TBCD: variants seen among roughly 807,000 people sequenced by gnomAD.
TBCD encodes the protein tubulin folding cofactor D, also known as tubulin-specific chaperone D.
A neutral mutation model predicts 169.3 loss-of-function variants in TBCD; 105 were observed. The observed-to-expected ratio is 0.62, with a 90% CI of 0.53 to 0.73. The LOEUF (loss-of-function observed/expected upper bound fraction) is 0.73. TBCD is among the 30% of genes least tolerant of loss of function. TBCD has a pLI of 0.00. For synonymous variants in TBCD, 700 were observed against 643.9 expected, an observed-to-expected ratio of 1.09 and a Z score of -1.32; for missense variants, 1,444 against 1,600.1, an observed-to-expected ratio of 0.90 and a Z score of 1.66.
chr17:82,799,456 A>AG, intron 8 of TBCD, among the ~76,000 whole-genome samples: 2 of 151,582 alleles, frequency 1.3e-5, no homozygotes, highest in Admixed American at 1.3e-4. Context: ...AAAAAAAAAA[A>AG]AAAAAAAGAA....
Position 82,903,019 on chromosome 17 carries a change from G to A in TBCD, c.1731-386G>A, listed in dbSNP as rs912836130. ...TTATTGGATATGTGCCCCAGATTTG[G>A]TGGGTGAGCCTCAGGAAATTCCTTC... On this transcript the variant is annotated intron_variant, in intron 18 of 38. Coordinates refer to ENST00000355528, the MANE Select transcript of TBCD (RefSeq NM_005993.5). The surrounding 1 kb of genome is among the most constrained non-coding windows in gnomAD (Gnocchi z 4.8). Among the ~76,000 whole-genome samples the A allele has an allele frequency of 6.6e-4, 100 of 152,314 alleles. No individual in the cohort carries two copies. Among genetic ancestry groups the A allele is most frequent in the African/African-American group, 2.3e-3 (97 of 41,576 alleles).
Position 82,937,269 on chromosome 17 carries a change from A to G in TBCD, c.3192-2A>G, listed in dbSNP as rs2062709885. ...TCTCTAAAGTGTGTGTTGTTCTTCC[A>G]GCCACCCCTTTGCTGTGAAGTTGCT... On this transcript the variant is annotated splice_acceptor_variant, in intron 34 of 38. Coordinates refer to ENST00000355528, the MANE Select transcript of TBCD (RefSeq NM_005993.5). LOFTEE classifies it high-confidence loss of function. The G allele has an allele frequency of 6.2e-7, 1 of 1,613,858 alleles. No homozygotes were observed. The highest frequency in any genetic ancestry group is 1.6e-4 in the Middle Eastern group (1 of 6,084).
In TBCD at chr17:82,833,414, C is replaced by T. The variant is rs1032510492; in HGVS notation, c.1318+18480C>T. ...TGTTTAAAAATGAAGAACATTCGAACACAAGACTCTACCCTACTGCTTCTA... is the reference window on the plus strand; with the variant it reads ...TGTTTAAAAATGAAGAACATTCGAATACAAGACTCTACCCTACTGCTTCTA... On this transcript the variant is annotated intron_variant, in intron 13 of 38. Coordinates refer to ENST00000355528, the MANE Select transcript of TBCD (RefSeq NM_005993.5). This position sits in a 1 kb window ranked among gnomAD's most constrained non-coding sequence, Gnocchi z 4.7. Among the ~76,000 whole-genome samples the T allele has an allele frequency of 2.0e-5, 3 of 152,184 alleles. No homozygotes were observed. Among genetic ancestry groups the T allele is most frequent in the African/African-American group, 7.2e-5 (3 of 41,436 alleles).
intron 13 of TBCD, among the ~76,000 whole-genome samples, chr17:82,868,840 A>T (rs532460713): frequency 6.6e-6 from 1 of 152,198 alleles, no homozygotes; most frequent in Non-Finnish European, 1.5e-5. Context: ...CTTTTCTCAG[A>T]CTGTGTGTAG....
chr17:82,923,499 G>A lies in TBCD; in HGVS notation c.2179-153G>A, dbSNP rs571198022. Reference sequence around the variant, plus strand: ...CTCCAACCTCAGGGCGACCCGCTGGGTCCCTGGTCAGGCAGGGGCTGCTCT... The same window carrying A: ...CTCCAACCTCAGGGCGACCCGCTGGATCCCTGGTCAGGCAGGGGCTGCTCT... On this transcript the variant is annotated intron_variant, in intron 25 of 38. Coordinates refer to ENST00000355528, the MANE Select transcript of TBCD (RefSeq NM_005993.5). This position sits in a 1 kb window ranked among gnomAD's most constrained non-coding sequence, Gnocchi z 4.6. 6.6e-6 allele frequency among the ~76,000 whole-genome samples: 1 copy of A among 152,136 alleles called. No individual in the cohort carries two copies. The highest frequency in any genetic ancestry group is 2.1e-4 in the South Asian group (1 of 4,810).
chr17:82,798,842 A>C (rs908491592), intron 8 of TBCD, among the ~76,000 whole-genome samples: 2 of 152,180 alleles, frequency 1.3e-5, no homozygotes, highest in Non-Finnish European at 2.9e-5. Context: ...TCCTGGGCTC[A>C]AGCCATCCTC....
intron 13 of TBCD, among the ~76,000 whole-genome samples, chr17:82,828,526 C>T (rs185221655): frequency 0.013 from 1,415 of 110,668 alleles, 24 homozygotes; most frequent in African/African-American, 0.048. Flanking sequence ...GATATGCACA[C>T]GTGCACACCG....
intron 14 of TBCD, among the ~76,000 whole-genome samples, chr17:82,873,903 TC>T (rs562843227): frequency 1.6e-4 from 25 of 152,326 alleles, no homozygotes; most frequent in African/African-American, 6.0e-4. Context: ...GGACTCCTGT[TC>T]TTTTGTGCAG....
chr17:82,911,183 C>T (rs550199436), intron 22 of TBCD, among the ~76,000 whole-genome samples: 3 of 152,240 alleles, frequency 2.0e-5, no homozygotes, highest in Non-Finnish European at 2.9e-5. Context: ...ATGTTGCATT[C>T]TGTCCAGTTT....
chr17:82,939,549 T>G (rs2062939328), intron 37 of TBCD, 73 bp downstream of exon 37: 1 of 1,216,882 alleles, frequency 8.2e-7, no homozygotes. Flanking sequence ...CCGTGTCTAC[T>G]CGTCTCTCCC....
rs368238766 is a variant in TBCD at position 82,865,114 on chromosome 17, C to T, written c.1319-5110C>T. On this transcript the variant is annotated intron_variant, in intron 13 of 38. Coordinates refer to ENST00000355528, the MANE Select transcript of TBCD (RefSeq NM_005993.5). ...CTGGAAACCCAGATGTCAGTGGAAC[C>T]AGGTGTTCTGTCCATCACTGCCTCT... Among the ~76,000 whole-genome samples, 11 of 152,294 alleles carry T rather than the reference C, an allele frequency of 7.2e-5. No homozygotes were observed. In the East Asian group the frequency reaches 7.7e-4, roughly 11 times the overall value.
chr17:82,768,289 G>A, intron 4 of TBCD, 131 bp from the exon 5 acceptor site: 1 of 1,122,226 alleles, frequency 8.9e-7, no homozygotes, highest in Non-Finnish European at 1.3e-6. Flanking sequence ...TTCTGGCCCT[G>A]AGGGTGATGG....
Position 82,927,982 on chromosome 17 carries a change from C to T in TBCD, c.2687C>T (p.Ala896Val), listed in dbSNP as rs1322803482. The T allele has an allele frequency of 2.5e-6, 4 of 1,610,570 alleles. No individual in the cohort carries two copies. The highest frequency in any genetic ancestry group is 3.4e-6 in the Non-Finnish European group (4 of 1,179,338). ...CGGAGCCAGCCTGAGCTGATCGAGG[C>T]CCATACGTGAGTGTCACGTCGCAGC... ...LARSQPELIE[A>V]HTCERIMCCV... The change falls in exon 30 of 39, where the codon GCC becomes GTC. Residue 896 changes from alanine to valine, a missense_variant. Coordinates refer to ENST00000355528, the MANE Select transcript of TBCD (RefSeq NM_005993.5).
At chr17:82,862,202 G>A (rs1232442940) in intron 13 of TBCD, among the ~76,000 whole-genome samples, 2 of 152,204 alleles carry the variant, frequency 1.3e-5, no homozygotes, top group East Asian at 3.8e-4. Flanking sequence ...GATTACAGGC[G>A]TGAGCCACTG....
At chr17:82,867,829 G>A (rs2057285180) in intron 13 of TBCD, among the ~76,000 whole-genome samples, 1 of 152,224 alleles carries the variant, frequency 6.6e-6, no homozygotes, top group Non-Finnish European at 1.5e-5. Flanking sequence ...GCAGTTTCTG[G>A]TTTGCAGATT....
intron 26 of TBCD, among the ~76,000 whole-genome samples, chr17:82,924,368 G>A (rs763676448): frequency 1.1e-4 from 16 of 152,176 alleles, no homozygotes; most frequent in Non-Finnish European, 2.2e-4. Context: ...CTGGCTTTAC[G>A]CCGTGTCCCG....
intron 1 of TBCD, among the ~76,000 whole-genome samples, chr17:82,754,954 T>A (rs2047323866): frequency 1.3e-5 from 2 of 152,176 alleles, no homozygotes; most frequent in African/African-American, 4.8e-5. Context: ...TTTAGAAGGT[T>A]AAGGGTGTGC....
intron 11 of TBCD, 41 bp downstream of exon 11, chr17:82,807,709 C>T (rs769282557): frequency 2.0e-5 from 28 of 1,401,456 alleles, no homozygotes; most frequent in Middle Eastern, 1.9e-4. Context: ...GGGGGTGGGC[C>T]GGCCTCTCCT....
chr17:82,886,584 C>T (rs1488244269), intron 15 of TBCD, among the ~76,000 whole-genome samples: 1 of 142,254 alleles, frequency 7.0e-6, no homozygotes, highest in African/African-American at 2.6e-5. Flanking sequence ...TAGTGTCTGA[C>T]CTCTATTTGT....
Sources: gnomAD v4.1 joint callset for allele counts (sites outside exome capture counted in the v4.1 genomes callset) on GRCh38, gnomAD v4.1.1 for gene constraint, Gnocchi (gnomAD v3.1) non-coding constraint, MANE v1.5 for transcripts, NCBI Gene and HGNC (gene_info 2026-07-23, HGNC 2026-07-21) for gene names.